SLC38A11: variants seen among roughly 807,000 people sequenced by gnomAD.
SLC38A11 encodes the protein solute carrier family 38 member 11, also known as putative sodium-coupled neutral amino acid transporter 11.
SLC38A11 carries 51 observed loss-of-function variants against 49.4 expected under a neutral mutation model. That is an observed-to-expected ratio of 1.03 (90% CI 0.83 to 1.30). SLC38A11 has a LOEUF of 1.30. SLC38A11 is among the 50% of genes most tolerant of loss of function. The probability of loss-of-function intolerance (pLI) is 0.00; values close to 1 mark genes in which losing one functional copy is unlikely to be tolerated. For synonymous variants in SLC38A11, 203 were observed against 192.9 expected (o/e 1.05, Z -0.43); for missense variants, 574 against 556.2 (o/e 1.03, Z -0.32).
At chr2:164,902,828 A>G (rs1051248653) in intron 11 of SLC38A11, among the ~76,000 whole-genome samples, 13 of 152,204 alleles carry the variant, frequency 8.5e-5, no homozygotes, top group Non-Finnish European at 1.9e-4. Context: ...TAGGGACCAC[A>G]CTGCATGGAA....
At chr2:164,921,198 A>G (rs2105471858) in intron 7 of SLC38A11, among the ~76,000 whole-genome samples, 1 of 152,344 alleles carries the variant, frequency 6.6e-6, no homozygotes, top group Non-Finnish European at 1.5e-5. Flanking sequence ...TTAGAAATAG[A>G]GATGTGAATG....
chr2:164,944,437 A>G (rs1687975492), intron 5 of SLC38A11, 132 bp downstream of exon 5: 1 of 369,878 alleles, frequency 2.7e-6, no homozygotes, highest in East Asian at 4.4e-5. Context: ...GATCATGGAT[A>G]TTGTGAGATA....
intron 6 of SLC38A11, 136 bp from the exon 7 acceptor site, chr2:164,937,565 G>A: frequency 3.4e-6 from 2 of 590,136 alleles, no homozygotes; most frequent in Non-Finnish European, 6.0e-6. Flanking sequence ...GGTTATTCTT[G>A]CAGCTTGGTG....
chr2:164,898,826 C>T (rs1237127382), intron 11 of SLC38A11, 96 bp from the exon 12 acceptor site: 2 of 1,139,570 alleles, frequency 1.8e-6, no homozygotes, highest in African/African-American at 1.6e-5. Flanking sequence ...TTTTCATGCA[C>T]ATGTTAAACA....
chr2:164,898,550 C>A lies in SLC38A11; in HGVS notation c.1276G>T (p.Gly426Trp), dbSNP rs373330829. 2.2e-4 allele frequency: 360 copies of A among 1,613,528 alleles called. No homozygotes were observed. The highest frequency in any genetic ancestry group is 2.8e-4 in the Non-Finnish European group (336 of 1,179,736). Residue 426 changes from glycine (G) to tryptophan (W), a missense_variant, in exon 12 of 12, where the codon GGG becomes TGG. Gly to Trp is a radical substitution (Grantham distance 184). Coordinates refer to ENST00000685975, the MANE Select transcript of SLC38A11 (RefSeq NM_001351537.2). ...AITNTQDCTH[G>W]QEMFYCFPDN... The stretch of plus-strand genomic sequence containing the variant: ...GGAAAGCAGTAGAACATTTCCTGCC[C>A]ATGGGTGCAGTCTTGAGTATTTGTA...
chr2:164,952,650 G>T, intron 3 of SLC38A11, 57 bp downstream of exon 3: 1 of 1,011,996 alleles, frequency 9.9e-7, no homozygotes, highest in Non-Finnish European at 1.6e-6. Flanking sequence ...GTGTGTGTAT[G>T]TGTGTAGTTA....
At chr2:164,926,340 C>G (rs76112782) in intron 7 of SLC38A11, among the ~76,000 whole-genome samples, 2 of 152,200 alleles carry the variant, frequency 1.3e-5, no homozygotes, top group African/African-American at 4.8e-5. Context: ...CTTTTATACA[C>G]TGGCACAGCT....
At chr2:164,913,703 G>A (rs145499114) in intron 9 of SLC38A11, among the ~76,000 whole-genome samples, 1 of 151,984 alleles carries the variant, frequency 6.6e-6, no homozygotes, top group Admixed American at 6.6e-5. Flanking sequence ...TAAAAACCAA[G>A]GTCCTGTACA....
At chr2:164,941,913 T>G (rs1687792886) in intron 5 of SLC38A11, among the ~76,000 whole-genome samples, 1 of 151,940 alleles carries the variant, frequency 6.6e-6, no homozygotes, top group Non-Finnish European at 1.5e-5. Context: ...TATCTGAAAT[T>G]ACATGTATTC....
rs772190481 is a variant in SLC38A11 at position 164,898,712 on chromosome 2, G to T, written c.1114C>A (p.Pro372Thr). The change falls in exon 12 of 12, where the codon CCC becomes ACC. Residue 372 changes from proline to threonine, a missense_variant. Physicochemically the swap from Pro to Thr is conservative, Grantham distance 38 (BLOSUM62 -1). Coordinates refer to ENST00000685975, the MANE Select transcript of SLC38A11 (RefSeq NM_001351537.2). ...LELNGVLCATPLIFIIPSACY... is the reference protein window; with the variant it reads ...LELNGVLCATTLIFIIPSACY... ...GCTGATGGAATGATAAAAATGAGGG[G>T]AGTTGCACAGAGCACACCCTGCATG... 11 of 1,613,066 alleles carry T rather than the reference G, an allele frequency of 6.8e-6. No homozygotes were observed. Among genetic ancestry groups the T allele is most frequent in the Non-Finnish European group, 9.3e-6 (11 of 1,179,440 alleles).
At chr2:164,942,797 A>C (rs994331639) in intron 5 of SLC38A11, among the ~76,000 whole-genome samples, 4 of 152,170 alleles carry the variant, frequency 2.6e-5, no homozygotes, top group Admixed American at 2.6e-4. Context: ...GGGTAAGTCT[A>C]CTGTGTGCTA....
At chr2:164,919,928 T>A (rs2105469839) in intron 7 of SLC38A11, among the ~76,000 whole-genome samples, 1 of 152,196 alleles carries the variant, frequency 6.6e-6, no homozygotes. Flanking sequence ...TTCCAAGATA[T>A]AACCTTGCAA....
chr2:164,950,651 T>C (rs1429242977), intron 3 of SLC38A11, among the ~76,000 whole-genome samples: 1 of 152,196 alleles, frequency 6.6e-6, no homozygotes, highest in Non-Finnish European at 1.5e-5. Context: ...ATAAAAATTA[T>C]TTTATGTTAA....
intron 3 of SLC38A11, among the ~76,000 whole-genome samples, chr2:164,948,572 T>C (rs1688297227): frequency 6.6e-6 from 1 of 152,164 alleles, no homozygotes; most frequent in South Asian, 2.1e-4. Context: ...CCAACTCTAT[T>C]GCCAGTAACT....
At chr2:164,909,333 A>T (rs572578023) in intron 10 of SLC38A11, among the ~76,000 whole-genome samples, 6 of 152,252 alleles carry the variant, frequency 3.9e-5, no homozygotes, top group Admixed American at 3.3e-4. Flanking sequence ...CAGATCAGGA[A>T]AGCAATAAAA....
At chr2:164,904,011 CA>C (rs993786264) in intron 11 of SLC38A11, among the ~76,000 whole-genome samples, 2 of 152,150 alleles carry the variant, frequency 1.3e-5, no homozygotes, top group Non-Finnish European at 2.9e-5. Flanking sequence ...TCCAATACTT[CA>C]AAAAGAAACT....
Position 164,937,491 on chromosome 2 carries a change from TAA to T in SLC38A11, c.538-64_538-63del. 3 of 1,107,012 alleles carry T rather than the reference TAA, an allele frequency of 2.7e-6. No homozygotes were observed. The East Asian group carries it at 7.1e-5, about 26-fold the overall frequency. 68.6% of individuals were successfully genotyped at this position (1,107,012 alleles called of 1,614,324 possible). On this transcript the variant is annotated intron_variant, in intron 6 of 11. Transcript: ENST00000685975. Reference sequence around the variant, plus strand: ...ACAGAAATTATTTTATTTAAAATGTTAAGTCTTTCTCATTTTTAATTGGGTAA... The same window carrying T: ...ACAGAAATTATTTTATTTAAAATGTTGTCTTTCTCATTTTTAATTGGGTAA...
chr2:164,934,227 CAG>C (rs559434383), intron 7 of SLC38A11, among the ~76,000 whole-genome samples: 33 of 152,140 alleles, frequency 2.2e-4, no homozygotes, highest in African/African-American at 7.7e-4. Flanking sequence ...GTATTCATGA[CAG>C]TATTTCACAT....
intron 7 of SLC38A11, among the ~76,000 whole-genome samples, chr2:164,928,401 T>C (rs1350795527): frequency 6.6e-6 from 1 of 152,190 alleles, no homozygotes; most frequent in Non-Finnish European, 1.5e-5. Flanking sequence ...AATCCCCAAG[T>C]TGAATGGGCT....
Sources: allele counts gnomAD v4.1 joint callset (sites outside exome capture counted in the v4.1 genomes callset), GRCh38; gene constraint gnomAD v4.1.1; transcripts MANE v1.5; gene names NCBI Gene and HGNC (gene_info 2026-07-23, HGNC 2026-07-21).